Variants in TOMM70 observed in about 807,000 individuals in gnomAD.
TOMM70 encodes mitochondrial import receptor subunit TOM70.
Under a neutral mutation model 73.6 loss-of-function variants are expected in TOMM70, and 13 were observed. The ratio of observed to expected loss-of-function variants is 0.18; its 90% CI spans 0.11 to 0.28. The LOEUF (loss-of-function observed/expected upper bound fraction) is 0.28, where lower values mean the gene tolerates loss of function less well. Ranked by LOEUF, TOMM70 falls within the 10% of genes least tolerant of loss-of-function variation. The pLI, the probability that TOMM70 is intolerant of heterozygous loss-of-function variation, is 1.00. For synonymous variants in TOMM70, 257 were observed against 271.2 expected, an observed-to-expected ratio of 0.95 and a Z score of 0.51; for missense variants, 609 against 747.5, an observed-to-expected ratio of 0.81 and a Z score of 2.16.
intron 1 of TOMM70, among the ~76,000 whole-genome samples, chr3:100,395,389 C>T (rs1253713290): frequency 6.6e-6 from 1 of 150,650 alleles, no homozygotes; most frequent in Non-Finnish European, 1.5e-5. Flanking sequence ...CAAAAAAACC[C>T]AAAACAAACA....
intron 5 of TOMM70, among the ~76,000 whole-genome samples, chr3:100,378,848 T>A (rs1706595992): frequency 6.6e-6 from 1 of 151,900 alleles, no homozygotes; most frequent in African/African-American, 2.4e-5. Flanking sequence ...CTAATAAAAA[T>A]ACAAAAAAAT....
At chr3:100,367,152 C>T (rs1313145711) in intron 11 of TOMM70, among the ~76,000 whole-genome samples, 2 of 152,002 alleles carry the variant, frequency 1.3e-5, no homozygotes, top group Non-Finnish European at 2.9e-5. Flanking sequence ...ACCTGGGAGG[C>T]AGAGGTTGCA....
chr3:100,381,625 C>T lies in TOMM70; in HGVS notation c.874G>A (p.Val292Met), dbSNP rs1396265630. Reference sequence around the variant, plus strand: ...GCTTGACATACTTACTTTTCTTTCACTTCTAAAGCCTCCCCTTCCTTGTCT... The same window carrying T: ...GCTTGACATACTTACTTTTCTTTCATTTCTAAAGCCTCCCCTTCCTTGTCT... ...DKDKEGEALE[V>M]KENSGYLKAK... The change falls in exon 5 of 12, where the codon GTG (valine) becomes ATG (methionine). Residue 292 changes from valine (V) to methionine (M), a missense_variant. Physicochemically the swap from Val to Met is conservative, Grantham distance 21. Transcript: ENST00000284320. 1 of 1,613,000 alleles carries T rather than the reference C, an allele frequency of 6.2e-7. No homozygotes were observed. Among genetic ancestry groups the T allele is most frequent in the South Asian group, 1.1e-5 (1 of 90,924 alleles).
At chr3:100,367,625 C>T (rs753868168) in intron 11 of TOMM70, among the ~76,000 whole-genome samples, 4 of 152,146 alleles carry the variant, frequency 2.6e-5, no homozygotes, top group Non-Finnish European at 4.4e-5. Flanking sequence ...AAATGAATGG[C>T]AATACCAGTA....
chr3:100,369,668 T>G (rs1284762091), intron 9 of TOMM70, among the ~76,000 whole-genome samples: 1 of 151,998 alleles, frequency 6.6e-6, no homozygotes, highest in African/African-American at 2.4e-5. Context: ...GCCTGGCTAA[T>G]TTTTGTATTT....
chr3:100,381,115 C>G (rs1706629017), intron 5 of TOMM70, among the ~76,000 whole-genome samples: 1 of 152,090 alleles, frequency 6.6e-6, no homozygotes, highest in Non-Finnish European at 1.5e-5. Context: ...GTATCCTGTA[C>G]TTTGGTTTCA....
chr3:100,370,028 A>C (rs1706491348), intron 9 of TOMM70, among the ~76,000 whole-genome samples: 1 of 152,146 alleles, frequency 6.6e-6, no homozygotes, highest in Admixed American at 6.6e-5. Flanking sequence ...TATGTGAGTC[A>C]TTATATTTAG....
At chr3:100,381,516 AGCTGCT>A (rs1706633539) in intron 5 of TOMM70, 93 bp downstream of exon 5, 5 of 844,322 alleles carry the variant, frequency 5.9e-6, no homozygotes, top group Middle Eastern at 2.5e-4. Flanking sequence ...GTAGATAGAT[AGCTGCT>A]GTTGTGAGAT....
At chr3:100,379,466 A>G (rs901339780) in intron 5 of TOMM70, among the ~76,000 whole-genome samples, 1 of 152,122 alleles carries the variant, frequency 6.6e-6, no homozygotes, top group African/African-American at 2.4e-5. Flanking sequence ...TCCATAATTA[A>G]AAACAAAAAA....
At chr3:100,374,956 C>A (rs1706546254) in intron 7 of TOMM70, 62 bp downstream of exon 7, 2 of 1,436,638 alleles carry the variant, frequency 1.4e-6, no homozygotes, top group Admixed American at 2.7e-5. Context: ...ATAAGAAATT[C>A]TCAAAAATGG....
intron 1 of TOMM70, among the ~76,000 whole-genome samples, chr3:100,387,587 GACACAGACACAGACACACAC>G (rs1706705964): frequency 9.3e-6 from 1 of 107,736 alleles, no homozygotes; most frequent in Non-Finnish European, 1.8e-5. Context: ...AAAAGACACA[GACACAGACACAGACACACAC>G]ACACACACAC....
intron 9 of TOMM70, chr3:100,372,242 A>G (rs926665268): frequency 5.5e-4 from 96 of 173,340 alleles, no homozygotes; most frequent in African/African-American, 2.1e-3. Flanking sequence ...CAACCTAGCC[A>G]TATAAAAAGG....
chr3:100,367,980 TAAG>T (rs1706464791), intron 11 of TOMM70, 61 bp downstream of exon 11: 1 of 1,524,728 alleles, frequency 6.6e-7, no homozygotes, highest in Admixed American at 2.0e-5. Flanking sequence ...ATGTACGTAA[TAAG>T]AACAAAAAGC....
intron 11 of TOMM70, among the ~76,000 whole-genome samples, chr3:100,366,751 A>G (rs879284768): frequency 2.0e-5 from 3 of 152,248 alleles, no homozygotes; most frequent in Non-Finnish European, 4.4e-5. Flanking sequence ...ATCAAACCCT[A>G]TCAGAGGTCT....
At chr3:100,372,837 TA>T in intron 8 of TOMM70, 115 bp from the exon 9 acceptor site, 2 of 874,242 alleles carry the variant, frequency 2.3e-6, no homozygotes, top group Non-Finnish European at 3.5e-6. Flanking sequence ...TTTGCTAACA[TA>T]ATCTGCAGCA....
intron 1 of TOMM70, among the ~76,000 whole-genome samples, chr3:100,394,973 C>G (rs1706805801): frequency 6.6e-6 from 1 of 152,186 alleles, no homozygotes; most frequent in South Asian, 2.1e-4. Flanking sequence ...CATAATAACT[C>G]TTTACCTAGG....
chr3:100,383,868 C>T (rs2148892264), intron 4 of TOMM70, among the ~76,000 whole-genome samples: 1 of 152,316 alleles, frequency 6.6e-6, no homozygotes, highest in Non-Finnish European at 1.5e-5. Flanking sequence ...CTTTTATACA[C>T]AGTAACAGTC....
At chr3:100,390,867 C>T (rs924092973) in intron 1 of TOMM70, among the ~76,000 whole-genome samples, 5 of 151,864 alleles carry the variant, frequency 3.3e-5, no homozygotes, top group South Asian at 2.1e-4. Context: ...AGGCTGAGTG[C>T]GGCGGCTCAC....
At chr3:100,379,284 T>A (rs1285613384) in intron 5 of TOMM70, among the ~76,000 whole-genome samples, 1 of 152,200 alleles carries the variant, frequency 6.6e-6, no homozygotes, top group South Asian at 2.1e-4. Flanking sequence ...TACATTTTCT[T>A]ATTTCAGTTG....
Sources: gnomAD v4.1 joint callset for allele counts (sites outside exome capture counted in the v4.1 genomes callset) on GRCh38, gnomAD v4.1.1 for gene constraint, MANE v1.5 for transcripts, NCBI Gene and HGNC (gene_info 2026-07-23, HGNC 2026-07-21) for gene names.